VPS13B: variants seen among roughly 807,000 people sequenced by gnomAD.
The protein encoded by VPS13B is intermembrane lipid transfer protein VPS13B.
A neutral mutation model predicts 426.4 loss-of-function variants in VPS13B; 285 were observed. That is an observed-to-expected ratio of 0.67 (90% CI 0.61 to 0.74). The LOEUF is 0.74. Among genes scored for constraint, VPS13B ranks in the 30% least tolerant of loss-of-function variants. The pLI, the probability that VPS13B is intolerant of heterozygous loss-of-function variation, is 0.00. For missense variants in VPS13B, 4,537 were observed against 4,782.6 expected (o/e 0.95, Z 1.51); for synonymous variants, 1,676 against 1,676.4 (o/e 1.00, Z 0.01).
At chr8:99,227,997 C>G (rs1256689183) in intron 17 of VPS13B, among the ~76,000 whole-genome samples, 2 of 152,140 alleles carry the variant, frequency 1.3e-5, no homozygotes, top group African/African-American at 4.8e-5. Context: ...GCCATTTTCT[C>G]TCTTGGACTC....
intron 16 of VPS13B, among the ~76,000 whole-genome samples, chr8:99,190,326 G>A (rs891597259): frequency 1.3e-5 from 2 of 151,312 alleles, no homozygotes; most frequent in South Asian, 4.2e-4. Flanking sequence ...ATTATTTAAA[G>A]TGGATATATA....
At chr8:99,573,551 A>T (rs1588507911) in intron 31 of VPS13B, among the ~76,000 whole-genome samples, 3 of 152,106 alleles carry the variant, frequency 2.0e-5, no homozygotes, top group African/African-American at 7.2e-5. Context: ...ATTTATTAAA[A>T]AGGGAATACT....
At chr8:99,243,800 C>A (rs778347894) in intron 17 of VPS13B, among the ~76,000 whole-genome samples, 16 of 152,216 alleles carry the variant, frequency 1.1e-4, no homozygotes, top group Non-Finnish European at 1.3e-4. Flanking sequence ...GCTTCTAGTT[C>A]TCAGCTCATG....
At chr8:99,678,095 A>C (rs1399264090) in intron 35 of VPS13B, among the ~76,000 whole-genome samples, 1 of 152,216 alleles carries the variant, frequency 6.6e-6, no homozygotes, top group African/African-American at 2.4e-5. Flanking sequence ...TTATTTAAAC[A>C]TGTTCACAGT....
intron 19 of VPS13B, among the ~76,000 whole-genome samples, chr8:99,349,108 C>G (rs988418128): frequency 6.6e-6 from 1 of 150,762 alleles, no homozygotes; most frequent in African/African-American, 2.4e-5. Context: ...CCGAGGCGGG[C>G]GGATCACGAG....
intron 43 of VPS13B, among the ~76,000 whole-genome samples, chr8:99,794,072 G>A (rs984598787): frequency 2.0e-5 from 3 of 152,164 alleles, no homozygotes; most frequent in Admixed American, 6.5e-5. Context: ...CTAGCCAGGG[G>A]CAACATAGCA....
intron 54 of VPS13B, among the ~76,000 whole-genome samples, chr8:99,848,479 A>T (rs991982540): frequency 5.3e-5 from 8 of 152,224 alleles, no homozygotes; most frequent in Non-Finnish European, 8.8e-5. Flanking sequence ...TCTGAACTCC[A>T]GCCCACACAG....
At chr8:99,690,243 T>A (rs1434057507) in intron 35 of VPS13B, among the ~76,000 whole-genome samples, 1 of 152,130 alleles carries the variant, frequency 6.6e-6, no homozygotes, top group Non-Finnish European at 1.5e-5. Flanking sequence ...TAACTAGATA[T>A]CCACACATAA....
intron 16 of VPS13B, among the ~76,000 whole-genome samples, chr8:99,175,912 A>G (rs1004693197): frequency 6.6e-6 from 1 of 152,240 alleles, no homozygotes; most frequent in African/African-American, 2.4e-5. Flanking sequence ...GTAGTACTAC[A>G]TGGTGTACTA....
chr8:99,199,883 T>A (rs150245520), intron 17 of VPS13B, among the ~76,000 whole-genome samples: 1 of 152,326 alleles, frequency 6.6e-6, no homozygotes, highest in Admixed American at 6.5e-5. Context: ...AAAAACAGTT[T>A]TATTTATATA....
intron 19 of VPS13B, 97 bp downstream of exon 19, chr8:99,275,351 G>T (rs7840337): frequency 7.2e-5 from 89 of 1,234,544 alleles, no homozygotes; most frequent in African/African-American, 2.5e-4. Context: ...TTTTTTTTAG[G>T]TATTTTTGTC....
At chr8:99,840,473 G>A (rs569420936) in intron 54 of VPS13B, among the ~76,000 whole-genome samples, 24 of 152,294 alleles carry the variant, frequency 1.6e-4, no homozygotes, top group East Asian at 1.9e-4. Context: ...TGTGGTGAGC[G>A]TGCATTCTAC....
chr8:99,679,300 A>G (rs1196021007), intron 35 of VPS13B, among the ~76,000 whole-genome samples: 2 of 152,204 alleles, frequency 1.3e-5, no homozygotes, highest in Admixed American at 1.3e-4. Flanking sequence ...TGACATAGGC[A>G]CCAAAAAAGA....
At chr8:99,240,669 A>G (rs1422502575) in intron 17 of VPS13B, among the ~76,000 whole-genome samples, 2 of 152,226 alleles carry the variant, frequency 1.3e-5, no homozygotes, top group African/African-American at 2.4e-5. Flanking sequence ...TAATTTGTAC[A>G]TAAGCCACAT....
intron 19 of VPS13B, among the ~76,000 whole-genome samples, chr8:99,334,295 T>C (rs1810701111): frequency 6.6e-6 from 1 of 151,982 alleles, no homozygotes; most frequent in Admixed American, 6.6e-5. Flanking sequence ...ATTCTTGTTT[T>C]AATTTGTGCT....
rs1406504481 is a variant in VPS13B, at chr8:99,678,686, C to T, written c.6046+17195C>T. Reference sequence around the variant, plus strand: ...GCTAGCACCCATTGGTGCTCAATGCCTACATTTATTGGAGGTTGTAAATAG... The same window carrying T: ...GCTAGCACCCATTGGTGCTCAATGCTTACATTTATTGGAGGTTGTAAATAG... On this transcript the variant is annotated intron_variant, in intron 35 of 61. Transcript: ENST00000357162. Among the ~76,000 whole-genome samples the T allele has an allele frequency of 2.0e-5, 3 of 152,044 alleles. No individual in the cohort carries two copies. In the East Asian group the frequency reaches 5.8e-4, roughly 29 times the overall value.
At chr8:99,614,020 G>C (rs1044562258) in intron 33 of VPS13B, 2 of 152,276 alleles carry the variant, frequency 1.3e-5, no homozygotes, top group Non-Finnish European at 2.9e-5. Context: ...CTGGGCTCAA[G>C]CCATCCTCCT....
rs1185604709 is a variant in VPS13B, at chr8:99,091,610, T to A, written c.292-4702T>A. On this transcript the variant is annotated intron_variant, in intron 3 of 61. Transcript: ENST00000357162. ...GTAGAGTTGAGTCAGATTTCTATTTTTACCATGAAAGTTAGTGAATGTGTT... is the reference window on the plus strand; with the variant it reads ...GTAGAGTTGAGTCAGATTTCTATTTATACCATGAAAGTTAGTGAATGTGTT... 3.9e-5 allele frequency: 6 copies of A among 152,330 alleles called. No individual in the cohort carries two copies. In the East Asian group the frequency reaches 7.7e-4, roughly 20 times the overall value. The allele number at this position is 152,330 out of a possible 1,614,324, so 9.4% of individuals were successfully genotyped here. A position where few individuals can be genotyped will look rare whatever the true frequency, so the allele number is the denominator to read the frequency against.
chr8:99,710,465 A>G (rs1438307389), intron 36 of VPS13B, among the ~76,000 whole-genome samples: 2 of 152,148 alleles, frequency 1.3e-5, no homozygotes, highest in African/African-American at 4.8e-5. Context: ...GTGTGGTAAT[A>G]TATAAGATTC....
Sources: gnomAD v4.1 joint callset for allele counts (sites outside exome capture counted in the v4.1 genomes callset) on GRCh38, gnomAD v4.1.1 for gene constraint, MANE v1.5 for transcripts, NCBI Gene and HGNC (gene_info 2026-07-23, HGNC 2026-07-21) for gene names.